NALCN: variants seen among roughly 807,000 people sequenced by gnomAD.
NALCN encodes sodium leak channel, non-selective, also known as sodium leak channel NALCN.
NALCN carries 111 observed loss-of-function variants against 225.3 expected under a neutral mutation model. That is an observed-to-expected ratio of 0.49 (90% CI 0.42 to 0.58). The LOEUF (loss-of-function observed/expected upper bound fraction) is 0.58, where lower values mean the gene tolerates loss of function less well. Ranked by LOEUF, NALCN falls within the 20% of genes least tolerant of loss-of-function variation. The pLI is 0.00. For synonymous variants in NALCN, 764 were observed against 769.0 expected (o/e 0.99, Z 0.11); for missense variants, 1,378 against 2,202.4 (o/e 0.63, Z 7.49).
intron 1 of NALCN, among the ~76,000 whole-genome samples, chr13:101,414,110 CTT>C (rs373561210): frequency 1.5e-4 from 22 of 150,864 alleles, no homozygotes; most frequent in African/African-American, 5.4e-4. Flanking sequence ...GGTCTGGACT[CTT>C]GGGTTCAAGC....
At chr13:101,317,096 A>G (rs1415868) in intron 7 of NALCN, among the ~76,000 whole-genome samples, 61,971 of 151,922 alleles carry the variant, frequency 0.41, 13,010 homozygotes, top group Middle Eastern at 0.47. Context: ...AAAATTAACC[A>G]AAGCCAAATT....
chr13:101,201,569 C>T (rs1290339837), intron 13 of NALCN, among the ~76,000 whole-genome samples: 1 of 152,092 alleles, frequency 6.6e-6, no homozygotes, highest in Non-Finnish European at 1.5e-5. Context: ...GTTGTTTCCA[C>T]CTTTTGGCTA....
chr13:101,199,587 G>T (rs1373890658), intron 13 of NALCN, among the ~76,000 whole-genome samples: 1 of 142,312 alleles, frequency 7.0e-6, no homozygotes, highest in African/African-American at 2.6e-5. Flanking sequence ...CTCATAGGTG[G>T]GAATTGAACA....
chr13:101,349,900 T>A (rs2045858965), intron 6 of NALCN, among the ~76,000 whole-genome samples: 2 of 152,110 alleles, frequency 1.3e-5, no homozygotes, highest in Admixed American at 6.6e-5. Context: ...AAACCAGAGT[T>A]CCCTGTCATA....
chr13:101,359,894 G>A (rs761577099), intron 6 of NALCN, among the ~76,000 whole-genome samples: 2 of 151,974 alleles, frequency 1.3e-5, no homozygotes, highest in African/African-American at 4.8e-5. Context: ...ACATTAACAC[G>A]ATCTCCAGTT....
chr13:101,188,815 T>C (rs1208799934), intron 14 of NALCN, among the ~76,000 whole-genome samples: 1 of 151,752 alleles, frequency 6.6e-6, no homozygotes, highest in Non-Finnish European at 1.5e-5. Flanking sequence ...GTATCCTGAG[T>C]AGCTGGGCTT....
intron 15 of NALCN, among the ~76,000 whole-genome samples, chr13:101,173,255 G>A (rs1480625115): frequency 1.3e-5 from 2 of 152,164 alleles, no homozygotes; most frequent in Non-Finnish European, 2.9e-5. Flanking sequence ...GGATGCCTTT[G>A]TTATCTACAA....
chr13:101,192,849 C>T (rs1053678657), intron 13 of NALCN, among the ~76,000 whole-genome samples: 2 of 152,080 alleles, frequency 1.3e-5, no homozygotes, highest in Admixed American at 1.3e-4. Context: ...CATTAGTAGT[C>T]AATAAATACT....
At chr13:101,067,436 A>T (rs1476870638) in intron 39 of NALCN, among the ~76,000 whole-genome samples, 1 of 152,166 alleles carries the variant, frequency 6.6e-6, no homozygotes, top group Non-Finnish European at 1.5e-5. Flanking sequence ...TACTTTGGCT[A>T]ATTTTAAGAA....
chr13:101,186,277 T>G (rs1012879766), intron 14 of NALCN, among the ~76,000 whole-genome samples: 1 of 152,218 alleles, frequency 6.6e-6, no homozygotes, highest in Non-Finnish European at 1.5e-5. Flanking sequence ...GTTTTATTTG[T>G]TTGTTGGTTA....
At position 101,095,676 on chromosome 13, in the gene NALCN, T is replaced by C. The variant is rs1218427276; in HGVS notation, c.3167A>G (p.Asp1056Gly). The part of the protein sequence containing the change: ...CNDPNIIRRE[D>G]CNGIFRINVS... ...ATTAATTCTGAATATGCCATTGCAA[T>C]CTTCCTAAAGTAGAAAAACAAGAGG... is the stretch of plus-strand genomic sequence containing the variant. Residue 1056 changes from aspartate (D) to glycine (G), a missense_variant, in exon 28 of 44, where the codon GAT (aspartate) becomes GGT (glycine). Physicochemically the swap from Asp to Gly is moderately conservative, Grantham distance 94. Coordinates refer to ENST00000251127, the MANE Select transcript of NALCN (RefSeq NM_052867.4). 2 of 1,610,710 alleles carry C rather than the reference T, an allele frequency of 1.2e-6. No individual in the cohort carries two copies. Among genetic ancestry groups the C allele is most frequent in the African/African-American group, 1.3e-5 (1 of 74,718 alleles).
intron 2 of NALCN, among the ~76,000 whole-genome samples, chr13:101,397,099 T>TATATATATAC (rs1555346484): frequency 6.1e-5 from 4 of 65,310 alleles, no homozygotes; most frequent in African/African-American, 2.7e-4. Context: ...TATATATATA[T>TATATATATAC]ATATATATAT....
rs2034103603 is a variant in NALCN, at chr13:101,089,442, ACT to A, written c.3489+219_3489+220del. On this transcript the variant is annotated intron_variant, in intron 30 of 43. Transcript: ENST00000251127. This position sits in a 1 kb window ranked among gnomAD's most constrained non-coding sequence, Gnocchi z 4.7. ...TCTCAGTTGTCGGTGAATTAATGAC[ACT>A]GTTACCAAAAGGGTAAATTTAGCAA... is the stretch of plus-strand genomic sequence containing the variant. Among the ~76,000 whole-genome samples the A allele has an allele frequency of 6.6e-6, 1 of 152,238 alleles. No homozygotes were observed. Among genetic ancestry groups the A allele is most frequent in the Non-Finnish European group, 1.5e-5 (1 of 68,050 alleles).
At chr13:101,130,321 CT>C (rs1297662905) in intron 17 of NALCN, among the ~76,000 whole-genome samples, 1 of 152,152 alleles carries the variant, frequency 6.6e-6, no homozygotes, top group Non-Finnish European at 1.5e-5. Context: ...TGCATATCTT[CT>C]TCCCGTTCAC....
At chr13:101,154,346 C>A (rs1316403590) in intron 15 of NALCN, among the ~76,000 whole-genome samples, 1 of 152,152 alleles carries the variant, frequency 6.6e-6, no homozygotes, top group African/African-American at 2.4e-5. Context: ...CACTTTCAAG[C>A]AATTGGTACA....
chr13:101,240,532 A>T (rs1333755), intron 11 of NALCN, among the ~76,000 whole-genome samples: 80,195 of 151,854 alleles, frequency 0.53, 21,317 homozygotes, highest in Non-Finnish European at 0.54. Flanking sequence ...CAATTTCATA[A>T]GGAAATAAAA....
At chr13:101,138,408 T>C (rs1012313019) in intron 17 of NALCN, among the ~76,000 whole-genome samples, 20 of 152,248 alleles carry the variant, frequency 1.3e-4, no homozygotes, top group Non-Finnish European at 2.5e-4. Context: ...AACTATCATA[T>C]GCTTCAGCAG....
At chr13:101,275,703 G>A (rs1163716820) in intron 10 of NALCN, among the ~76,000 whole-genome samples, 1 of 152,090 alleles carries the variant, frequency 6.6e-6, no homozygotes, top group African/African-American at 2.4e-5. Flanking sequence ...GTTGGGAGAT[G>A]CGCATTTAGG....
At chr13:101,155,492 G>A (rs758081149) in intron 15 of NALCN, among the ~76,000 whole-genome samples, 2 of 152,160 alleles carry the variant, frequency 1.3e-5, no homozygotes, top group Non-Finnish European at 2.9e-5. Context: ...TGATTAGACT[G>A]AGCTTATACA....
Sources: gnomAD v4.1 joint callset for allele counts (sites outside exome capture counted in the v4.1 genomes callset) on GRCh38, gnomAD v4.1.1 for gene constraint, Gnocchi (gnomAD v3.1) non-coding constraint, MANE v1.5 for transcripts, NCBI Gene and HGNC (gene_info 2026-07-23, HGNC 2026-07-21) for gene names.